Variants in ARHGAP24 observed in about 807,000 individuals in gnomAD.
ARHGAP24 encodes the protein rho GTPase-activating protein 24.
Under a neutral mutation model 76.4 loss-of-function variants are expected in ARHGAP24, and 50 were observed. The ratio of observed to expected loss-of-function variants is 0.65; its 90% CI spans 0.52 to 0.83. The LOEUF (loss-of-function observed/expected upper bound fraction) is 0.83, where lower values mean the gene tolerates loss of function less well. Among genes scored for constraint, ARHGAP24 ranks in the 40% least tolerant of loss-of-function variants. The pLI, the probability that ARHGAP24 is intolerant of heterozygous loss-of-function variation, is 0.00. For synonymous variants in ARHGAP24, 345 were observed against 323.3 expected (o/e 1.07, Z -0.72); for missense variants, 930 against 914.2 (o/e 1.02, Z -0.22).
chr4:85,785,737 AT>A (rs1455676984), intron 3 of ARHGAP24, among the ~76,000 whole-genome samples: 1 of 152,166 alleles, frequency 6.6e-6, no homozygotes, highest in African/African-American at 2.4e-5. Context: ...CAATTTAAGA[AT>A]CCATCAGTGC....
chr4:85,990,470 G>A (rs1740256744), intron 8 of ARHGAP24: 1 of 151,706 alleles, frequency 6.6e-6, no homozygotes, highest in Admixed American at 6.6e-5. Flanking sequence ...AAGCTATCTA[G>A]AATAGCACAA....
intron 5 of ARHGAP24, among the ~76,000 whole-genome samples, chr4:85,969,693 GA>G (rs1227554560): frequency 6.6e-6 from 1 of 152,026 alleles, no homozygotes; most frequent in Non-Finnish European, 1.5e-5. Flanking sequence ...GATATAGCAA[GA>G]AAAACACAGA....
At chr4:85,891,132 T>C (rs10009525) in intron 3 of ARHGAP24, among the ~76,000 whole-genome samples, 19,149 of 152,106 alleles carry the variant, frequency 0.13, 1,288 homozygotes, top group African/African-American at 0.16. Context: ...AGTGCTAATA[T>C]GACTAAATGA....
chr4:85,800,418 G>A (rs2110103743), intron 3 of ARHGAP24, among the ~76,000 whole-genome samples: 1 of 152,174 alleles, frequency 6.6e-6, no homozygotes, highest in Non-Finnish European at 1.5e-5. Flanking sequence ...ATAGGTCCCA[G>A]GCTGAATGAA....
chr4:85,942,224 A>G lies in ARHGAP24; in HGVS notation c.550A>G (p.Lys184Glu), dbSNP rs776254762. 1.9e-6 allele frequency: 3 copies of G among 1,613,970 alleles called. No homozygotes were observed. In the African/African-American group the frequency reaches 4.0e-5, roughly 22 times the overall value. ...ACTGCCAGGCCAGGCTAATCTTGTT[A>G]AGGAGCTCCAAGATGCCTTTGACTG... The part of the protein sequence containing the change: ...FRLPGQANLV[K>E]ELQDAFDCGE... Residue 184 changes from lysine (K) to glutamate (E), a missense_variant, in exon 5 of 10, where the codon AAG becomes GAG. By Grantham distance (56) the Lys-to-Glu change is moderately conservative. Transcript: ENST00000395184.
At chr4:85,668,027 AG>A (rs1364238367) in intron 2 of ARHGAP24, among the ~76,000 whole-genome samples, 3 of 152,228 alleles carry the variant, frequency 2.0e-5, no homozygotes, top group African/African-American at 7.2e-5. Flanking sequence ...TTGTAAATGT[AG>A]AAAAGTTAGA....
intron 8 of ARHGAP24, among the ~76,000 whole-genome samples, chr4:85,978,550 G>C (rs1412653925): frequency 7.2e-5 from 11 of 152,128 alleles, no homozygotes; most frequent in Admixed American, 7.2e-4. Context: ...TTGGCAATGA[G>C]ATAGTTCAGA....
chr4:85,491,544 C>G lies in ARHGAP24; in HGVS notation c.-21+15985C>G, dbSNP rs566235495. Among the ~76,000 whole-genome samples, 5 of 152,294 alleles carry G rather than the reference C, an allele frequency of 3.3e-5. No individual in the cohort carries two copies. The South Asian group carries it at 8.3e-4, about 25-fold the overall frequency. ...ACCTTGGGTCTGTTTAACACACACA[C>G]ACACACAGCTGTGTGGAAACCAGGC... On this transcript the variant is annotated intron_variant, in intron 1 of 9. Coordinates refer to ENST00000395184, the MANE Select transcript of ARHGAP24 (RefSeq NM_001025616.3).
chr4:85,962,868 TA>T (rs1341213935), intron 5 of ARHGAP24, among the ~76,000 whole-genome samples: 1 of 151,748 alleles, frequency 6.6e-6, no homozygotes, highest in East Asian at 1.9e-4. Flanking sequence ...CTGGGACAAT[TA>T]AAAATCAATG....
At chr4:85,629,306 T>A (rs1442285090) in intron 2 of ARHGAP24, among the ~76,000 whole-genome samples, 1 of 152,228 alleles carries the variant, frequency 6.6e-6, no homozygotes, top group Non-Finnish European at 1.5e-5. Flanking sequence ...TAATATATTG[T>A]GTATCCATTA....
At chr4:85,621,149 A>G (rs1204674392) in intron 2 of ARHGAP24, among the ~76,000 whole-genome samples, 1 of 152,074 alleles carries the variant, frequency 6.6e-6, no homozygotes. Context: ...TGTTGTCTAT[A>G]TACCACATAT....
chr4:85,819,836 C>T (rs556208955), intron 3 of ARHGAP24, among the ~76,000 whole-genome samples: 49 of 152,262 alleles, frequency 3.2e-4, no homozygotes, highest in Middle Eastern at 3.4e-3. Flanking sequence ...AGGAGAATCA[C>T]TTGAACCCAG....
chr4:85,887,571 T>A (rs1733631557), intron 3 of ARHGAP24, among the ~76,000 whole-genome samples: 2 of 152,152 alleles, frequency 1.3e-5, no homozygotes, highest in South Asian at 4.1e-4. Context: ...ATGCTTACAG[T>A]TGTAAATATT....
At chr4:85,904,009 T>C (rs781466066) in intron 3 of ARHGAP24, among the ~76,000 whole-genome samples, 1 of 152,244 alleles carries the variant, frequency 6.6e-6, no homozygotes, top group Non-Finnish European at 1.5e-5. Flanking sequence ...TTTTAACCTA[T>C]AGTATTTCAC....
intron 1 of ARHGAP24, among the ~76,000 whole-genome samples, chr4:85,536,241 G>C (rs1434255452): frequency 2.0e-5 from 3 of 152,024 alleles, no homozygotes; most frequent in Non-Finnish European, 4.4e-5. Flanking sequence ...AACTATATTT[G>C]TGGCAAGTGC....
chr4:85,486,632 T>G (rs1223665892), intron 1 of ARHGAP24, among the ~76,000 whole-genome samples: 4 of 152,056 alleles, frequency 2.6e-5, no homozygotes, highest in Non-Finnish European at 5.9e-5. Context: ...AGAAAAGCAG[T>G]GAAAATATTG....
intron 6 of ARHGAP24, among the ~76,000 whole-genome samples, chr4:85,973,725 T>C (rs988154602): frequency 9.9e-5 from 15 of 152,124 alleles, no homozygotes; most frequent in African/African-American, 3.6e-4. Flanking sequence ...GGAACAAACT[T>C]AATTCTTCTT....
intron 1 of ARHGAP24, among the ~76,000 whole-genome samples, chr4:85,561,986 A>C (rs1726618292): frequency 6.6e-6 from 1 of 152,226 alleles, no homozygotes; most frequent in South Asian, 2.1e-4. Context: ...ATAATAAGGC[A>C]ACATTTGAAC....
chr4:85,699,239 T>G (rs961029812), intron 2 of ARHGAP24, among the ~76,000 whole-genome samples: 3 of 152,158 alleles, frequency 2.0e-5, no homozygotes, highest in Admixed American at 2.0e-4. Context: ...TCTTGGCACC[T>G]CCTTGTTAAT....
Sources: gnomAD v4.1 joint callset for allele counts (sites outside exome capture counted in the v4.1 genomes callset) on GRCh38, gnomAD v4.1.1 for gene constraint, MANE v1.5 for transcripts, NCBI Gene and HGNC (gene_info 2026-07-23, HGNC 2026-07-21) for gene names.